Variants in SORCS3 observed in about 807,000 individuals in gnomAD.
The protein encoded by SORCS3 is VPS10 domain-containing receptor SorCS3.
A neutral mutation model predicts 146.3 loss-of-function variants in SORCS3; 57 were observed. The ratio of observed to expected loss-of-function variants is 0.39; its 90% confidence interval spans 0.31 to 0.49. The LOEUF (loss-of-function observed/expected upper bound fraction) is 0.49. Among genes scored for constraint, SORCS3 ranks in the 20% least tolerant of loss-of-function variants. The pLI is 0.92. For synonymous variants in SORCS3, 653 were observed against 618.5 expected (o/e 1.06, Z -0.83); for missense variants, 1,341 against 1,575.5 (o/e 0.85, Z 2.52).
chr10:104,734,990 A>AT (rs536907213), intron 1 of SORCS3, among the ~76,000 whole-genome samples: 137 of 152,258 alleles, frequency 9.0e-4, no homozygotes, highest in African/African-American at 3.0e-3. Flanking sequence ...TTAAAAAACC[A>AT]TTTTTTATTG....
chr10:105,066,737 C>G (rs770681602), intron 5 of SORCS3, among the ~76,000 whole-genome samples: 6 of 152,048 alleles, frequency 3.9e-5, no homozygotes, highest in Non-Finnish European at 8.8e-5. Flanking sequence ...TAATTGGCTT[C>G]CCCTCCTATT....
chr10:105,232,938 A>G (rs1404446680), intron 20 of SORCS3, among the ~76,000 whole-genome samples: 1 of 152,058 alleles, frequency 6.6e-6, no homozygotes, highest in African/African-American at 2.4e-5. Flanking sequence ...TTTATGGCCC[A>G]GGATGTGGTC....
Position 104,674,160 on chromosome 10 carries a change from C to A in SORCS3, c.627+32206C>A, listed in dbSNP as rs531082902. On this transcript the variant is annotated intron_variant, in intron 1 of 26. Coordinates refer to ENST00000369701, the MANE Select transcript of SORCS3 (RefSeq NM_014978.3). Reference sequence around the variant, plus strand: ...TCTCCCCCTGGGAATAATCAATGTTCTTTCTTCTATTAAGTTTTGTCTGTT... The same window carrying A: ...TCTCCCCCTGGGAATAATCAATGTTATTTCTTCTATTAAGTTTTGTCTGTT... 2.0e-5 allele frequency among the ~76,000 whole-genome samples: 3 copies of A among 152,292 alleles called. No individual in the cohort carries two copies. In the South Asian group the frequency reaches 6.2e-4, roughly 32 times the overall value.
intron 1 of SORCS3, among the ~76,000 whole-genome samples, chr10:104,836,891 G>GA (rs202157913): frequency 0.01 from 1,562 of 151,496 alleles, 14 homozygotes; most frequent in African/African-American, 0.026. Context: ...AATTTAAAAA[G>GA]AAAAAAAAGA....
chr10:104,723,871 C>T (rs892996352), intron 1 of SORCS3, among the ~76,000 whole-genome samples: 2 of 152,140 alleles, frequency 1.3e-5, no homozygotes, highest in African/African-American at 4.8e-5. Context: ...ATGTGTGTCT[C>T]TGCACGTGAG....
chr10:105,262,307 T>C (rs1589716556), intron 25 of SORCS3, 24 bp from the exon 26 acceptor site: 1 of 1,605,954 alleles, frequency 6.2e-7, no homozygotes, highest in Non-Finnish European at 8.5e-7. Context: ...GATCTTAACC[T>C]GATTTTGCTC....
intron 1 of SORCS3, among the ~76,000 whole-genome samples, chr10:104,826,402 T>C (rs1393122903): frequency 6.6e-6 from 1 of 152,226 alleles, no homozygotes; most frequent in Non-Finnish European, 1.5e-5. Flanking sequence ...ACCTCAGAGA[T>C]ATTGTGTGTT....
chr10:104,916,704 A>G (rs575826284), intron 3 of SORCS3, among the ~76,000 whole-genome samples: 3 of 152,188 alleles, frequency 2.0e-5, no homozygotes, highest in Non-Finnish European at 4.4e-5. Flanking sequence ...GTAGGCAGAC[A>G]TGATTCAAAT....
intron 2 of SORCS3, among the ~76,000 whole-genome samples, chr10:104,865,151 A>G (rs1483427718): frequency 6.6e-6 from 1 of 152,070 alleles, no homozygotes; most frequent in Non-Finnish European, 1.5e-5. Context: ...AGATTTATTG[A>G]GAGAAGGGAT....
intron 1 of SORCS3, among the ~76,000 whole-genome samples, chr10:104,727,252 C>A (rs1374488243): frequency 2.6e-5 from 4 of 152,102 alleles, no homozygotes; most frequent in Non-Finnish European, 5.9e-5. Context: ...TGTATTGTAA[C>A]TATGTTGATG....
chr10:104,717,068 A>G (rs1466139412), intron 1 of SORCS3, among the ~76,000 whole-genome samples: 2 of 152,214 alleles, frequency 1.3e-5, no homozygotes, highest in East Asian at 3.9e-4. Flanking sequence ...GCAGAAGAAT[A>G]TCTTGAGACC....
intron 2 of SORCS3, among the ~76,000 whole-genome samples, chr10:104,861,361 C>T (rs2018398845): frequency 6.6e-6 from 1 of 152,154 alleles, no homozygotes; most frequent in Non-Finnish European, 1.5e-5. Context: ...CTCACTTTCT[C>T]ATGTCTAAAG....
chr10:104,927,336 C>T (rs2019158683), intron 3 of SORCS3, among the ~76,000 whole-genome samples: 1 of 152,168 alleles, frequency 6.6e-6, no homozygotes, highest in African/African-American at 2.4e-5. Context: ...TCAATAAAGC[C>T]TCTGAGAAGG....
At chr10:105,243,325 C>T (rs2056847818) in intron 20 of SORCS3, among the ~76,000 whole-genome samples, 1 of 152,034 alleles carries the variant, frequency 6.6e-6, no homozygotes, top group African/African-American at 2.4e-5. Flanking sequence ...TGCAGACAAA[C>T]TTTGCCTAAG....
At chr10:104,827,888 T>G (rs766616211) in intron 1 of SORCS3, among the ~76,000 whole-genome samples, 22 of 152,226 alleles carry the variant, frequency 1.4e-4, no homozygotes, top group Non-Finnish European at 2.9e-4. Flanking sequence ...TGGACATCCC[T>G]TCTTTTCTTA....
chr10:104,919,814 G>A lies in SORCS3; in HGVS notation c.795+3882G>A, dbSNP rs561913009. Reference sequence around the variant, plus strand: ...TACTAAGTGGTATGTATTGTAATCTGAGCCTCTTGATGTTGACAGTGCACA... The same window carrying A: ...TACTAAGTGGTATGTATTGTAATCTAAGCCTCTTGATGTTGACAGTGCACA... On this transcript the variant is annotated intron_variant, in intron 3 of 26. Coordinates refer to ENST00000369701, the MANE Select transcript of SORCS3 (RefSeq NM_014978.3). Among the ~76,000 whole-genome samples the A allele has an allele frequency of 2.0e-5, 3 of 152,282 alleles. No homozygotes were observed. In the South Asian group the frequency reaches 6.2e-4, roughly 32 times the overall value.
intron 9 of SORCS3, among the ~76,000 whole-genome samples, chr10:105,151,734 C>T (rs2056169233): frequency 6.6e-6 from 1 of 152,140 alleles, no homozygotes; most frequent in African/African-American, 2.4e-5. Flanking sequence ...CAAAATCTAA[C>T]AAGGCTGAGA....
intron 1 of SORCS3, among the ~76,000 whole-genome samples, chr10:104,690,709 A>T (rs780304506): frequency 6.6e-6 from 1 of 152,118 alleles, no homozygotes; most frequent in Non-Finnish European, 1.5e-5. Context: ...CATTGAGTTG[A>T]TGAGGACGAG....
At chr10:104,692,106 A>G (rs1430843631) in intron 1 of SORCS3, among the ~76,000 whole-genome samples, 2 of 152,074 alleles carry the variant, frequency 1.3e-5, no homozygotes, top group Non-Finnish European at 2.9e-5. Context: ...GTCTGTCAGC[A>G]ACCTGGCAGC....
Sources: gnomAD v4.1 joint callset for allele counts (sites outside exome capture counted in the v4.1 genomes callset) on GRCh38, gnomAD v4.1.1 for gene constraint, MANE v1.5 for transcripts, NCBI Gene and HGNC (gene_info 2026-07-23, HGNC 2026-07-21) for gene names.